Variants in PDE4B observed in about 807,000 individuals in gnomAD.
The protein encoded by PDE4B is 3',5'-cyclic-AMP phosphodiesterase 4B.
Under a neutral mutation model 82.2 loss-of-function variants are expected in PDE4B, and 20 were observed. The ratio of observed to expected loss-of-function variants is 0.24; its 90% CI spans 0.17 to 0.35. The LOEUF (loss-of-function observed/expected upper bound fraction) is 0.35, where lower values mean the gene tolerates loss of function less well. Among genes scored for constraint, PDE4B ranks in the 10% least tolerant of loss-of-function variants. The probability of loss-of-function intolerance (pLI) is 1.00; values close to 1 mark genes in which losing one functional copy is unlikely to be tolerated. For missense variants in PDE4B, 655 were observed against 907.2 expected (o/e 0.72, Z 3.57); for synonymous variants, 320 against 318.9 (o/e 1.00, Z -0.04).
At chr1:66,112,223 TA>T (rs1645503492) in intron 3 of PDE4B, among the ~76,000 whole-genome samples, 1 of 152,154 alleles carries the variant, frequency 6.6e-6, no homozygotes, top group Non-Finnish European at 1.5e-5. Flanking sequence ...AAAGTACTAA[TA>T]AAAAGGTAAA....
At chr1:65,921,448 G>A (rs1647246822) in intron 3 of PDE4B, among the ~76,000 whole-genome samples, 1 of 152,136 alleles carries the variant, frequency 6.6e-6, no homozygotes, top group African/African-American at 2.4e-5. Context: ...GAGATAAGGA[G>A]TACTGCCTAG....
Position 65,838,505 on chromosome 1 carries a change from A to G in PDE4B, c.-71+45257A>G, listed in dbSNP as rs561557168. 1.3e-4 allele frequency among the ~76,000 whole-genome samples: 19 copies of G among 147,808 alleles called. No individual in the cohort carries two copies. The South Asian group carries it at 4.0e-3, about 31-fold the overall frequency. ...TATACGTATATGTATATATATACGT[A>G]TATGTATATATATGTATATGTATAT... On this transcript the variant is annotated intron_variant, in intron 1 of 16. Coordinates refer to ENST00000341517, the MANE Select transcript of PDE4B (RefSeq NM_002600.4).
chr1:66,041,809 C>A (rs994991277), intron 3 of PDE4B, among the ~76,000 whole-genome samples: 4 of 52,696 alleles, frequency 7.6e-5, no homozygotes, highest in Admixed American at 5.3e-4. Context: ...TACACACACA[C>A]ACACACACAC....
At chr1:66,270,171 G>T (rs6688020) in intron 7 of PDE4B, among the ~76,000 whole-genome samples, 58,740 of 152,046 alleles carry the variant, frequency 0.39, 13,329 homozygotes, top group Non-Finnish European at 0.51. Context: ...TTGATTTATG[G>T]TGATTTTCAA....
intron 8 of PDE4B, chr1:66,354,618 T>C (rs1662089000): frequency 1.5e-6 from 2 of 1,356,262 alleles, no homozygotes; most frequent in Admixed American, 3.3e-5. Flanking sequence ...TACTCTCTTC[T>C]GCCAGGAAAT....
chr1:66,081,792 GGAGT>G, intron 3 of PDE4B, among the ~76,000 whole-genome samples: 1 of 148,600 alleles, frequency 6.7e-6, no homozygotes, highest in Non-Finnish European at 1.5e-5. Flanking sequence ...ATTCTACACG[GGAGT>G]GAAAAGTAAA....
intron 3 of PDE4B, among the ~76,000 whole-genome samples, chr1:66,027,080 ATAT>A (rs963783808): frequency 6.6e-6 from 1 of 152,138 alleles, no homozygotes; most frequent in African/African-American, 2.4e-5. Context: ...TTACTTTTTA[ATAT>A]TATAATCTAC....
chr1:66,160,583 C>T (rs909124458), intron 3 of PDE4B, among the ~76,000 whole-genome samples: 3 of 152,168 alleles, frequency 2.0e-5, no homozygotes, highest in African/African-American at 7.2e-5. Context: ...GGGTCGCACT[C>T]AGCAGATAGT....
intron 3 of PDE4B, among the ~76,000 whole-genome samples, chr1:66,122,703 C>CTTTTTTT (rs3036785): frequency 2.6e-4 from 29 of 111,952 alleles, no homozygotes; most frequent in South Asian, 2.9e-4. Context: ...CTCTTCTTTT[C>CTTTTTTT]TTTTTTTTTT....
chr1:65,885,259 G>C (rs1646759780), intron 1 of PDE4B, among the ~76,000 whole-genome samples: 1 of 152,170 alleles, frequency 6.6e-6, no homozygotes, highest in Non-Finnish European at 1.5e-5. Context: ...TTACACTGTT[G>C]GTGGGACTGT....
chr1:66,107,456 T>G (rs1444237147), intron 3 of PDE4B, among the ~76,000 whole-genome samples: 1 of 151,924 alleles, frequency 6.6e-6, no homozygotes, highest in Non-Finnish European at 1.5e-5. Flanking sequence ...ATTGTTTTGA[T>G]TTCTTCACTT....
At chr1:66,112,557 G>A (rs1263782329) in intron 3 of PDE4B, among the ~76,000 whole-genome samples, 3 of 152,116 alleles carry the variant, frequency 2.0e-5, no homozygotes, top group African/African-American at 4.8e-5. Context: ...CTTTACAAAG[G>A]TACAGATGAC....
chr1:66,125,947 C>T (rs1041456591), intron 3 of PDE4B, among the ~76,000 whole-genome samples: 4 of 152,194 alleles, frequency 2.6e-5, no homozygotes, highest in African/African-American at 9.6e-5. Flanking sequence ...GCTGAAATTA[C>T]AGGCATGCAC....
chr1:65,966,456 AAAATGGCCATACTGACC>A (rs924696238), intron 3 of PDE4B, among the ~76,000 whole-genome samples: 31 of 152,240 alleles, frequency 2.0e-4, no homozygotes, highest in Non-Finnish European at 4.0e-4. Context: ...CAATATCATG[AAAATGGCCATACTGACC>A]AAAGTAATTT....
chr1:65,923,010 C>A (rs190439131), intron 3 of PDE4B, among the ~76,000 whole-genome samples: 1 of 152,052 alleles, frequency 6.6e-6, no homozygotes, highest in South Asian at 2.1e-4. Context: ...CCAACCCCCT[C>A]CCCCACAAAA....
chr1:66,141,206 A>G (rs566123272), intron 3 of PDE4B, among the ~76,000 whole-genome samples: 4 of 151,716 alleles, frequency 2.6e-5, no homozygotes, highest in South Asian at 4.2e-4. Flanking sequence ...CACTGAGAAT[A>G]CTAAGGTTAC....
At chr1:66,265,920 C>T in intron 6 of PDE4B, 118 bp from the exon 7 acceptor site, 1 of 747,084 alleles carries the variant, frequency 1.3e-6, no homozygotes, top group Non-Finnish European at 2.4e-6. Flanking sequence ...GGCATTATGT[C>T]ACTACATAGT....
At chr1:65,921,394 G>C (rs1450226642) in intron 3 of PDE4B, among the ~76,000 whole-genome samples, 4 of 152,046 alleles carry the variant, frequency 2.6e-5, no homozygotes, top group Non-Finnish European at 5.9e-5. Context: ...GAGGGAACTG[G>C]GTTCAAATTA....
chr1:65,896,268 A>G (rs1646909725), intron 1 of PDE4B, among the ~76,000 whole-genome samples: 2 of 152,172 alleles, frequency 1.3e-5, no homozygotes, highest in African/African-American at 4.8e-5. Context: ...CATGTCTTAC[A>G]TGGCAGCAGG....
Sources: allele counts gnomAD v4.1 joint callset (sites outside exome capture counted in the v4.1 genomes callset), GRCh38; gene constraint gnomAD v4.1.1; transcripts MANE v1.5; gene names NCBI Gene and HGNC (gene_info 2026-07-23, HGNC 2026-07-21).